The following ARHGAP28 variants were observed in gnomAD, a reference collection of about 807,000 sequenced individuals.
ARHGAP28 encodes rho GTPase-activating protein 28.
Under a neutral mutation model 90.7 loss-of-function variants are expected in ARHGAP28, and 56 were observed. The ratio of observed to expected loss-of-function variants is 0.62; its 90% confidence interval spans 0.50 to 0.77. The LOEUF is 0.77. ARHGAP28 is among the 30% of genes least tolerant of loss of function. The pLI is 0.00. For synonymous variants in ARHGAP28, 308 were observed against 323.3 expected (o/e 0.95, Z 0.51); for missense variants, 869 against 900.9 (o/e 0.96, Z 0.45).
In ARHGAP28 at chr18:6,914,618, A is replaced by G. The variant is rs2143906562; in HGVS notation, c.*2464A>G. On this transcript the variant is annotated 3_prime_UTR_variant, in exon 18 of 18. Coordinates refer to ENST00000383472, the MANE Select transcript of ARHGAP28 (RefSeq NM_001366230.1). ...AAGAGTTGTTTTTTAAAAATTTAAT[A>G]AATTCATAAAAAAGACTCATATCTT... is the stretch of plus-strand genomic sequence containing the variant. 1 of 152,306 alleles carries G rather than the reference A, an allele frequency of 6.6e-6. No individual in the cohort carries two copies. Among genetic ancestry groups the G allele is most frequent in the Non-Finnish European group, 1.5e-5 (1 of 68,012 alleles). The allele number at this position is 152,306 out of a possible 1,614,324, so 9.4% of individuals were successfully genotyped here. A position where few individuals can be genotyped will look rare whatever the true frequency, so the allele number is the denominator to read the frequency against.
intron 4 of ARHGAP28, among the ~76,000 whole-genome samples, chr18:6,855,492 C>G (rs937737822): frequency 6.6e-6 from 1 of 152,198 alleles, no homozygotes; most frequent in Non-Finnish European, 1.5e-5. Flanking sequence ...AAGAGCTGTT[C>G]TGTCACTCAG....
At chr18:6,821,175 G>T (rs1017726569) in intron 1 of ARHGAP28, among the ~76,000 whole-genome samples, 1 of 152,168 alleles carries the variant, frequency 6.6e-6, no homozygotes, top group African/African-American at 2.4e-5. Context: ...CTAATTCCAT[G>T]TGAATAGTAA....
In ARHGAP28 at chr18:6,873,676, C is replaced by T; in HGVS notation, c.1121-8C>T. ...TTTTTTTTCCCCCTTTACTGTCTCA[C>T]AATGAAGACAATGGGATTTTTGGAG... On this transcript the variant is annotated splice_region_variant and splice_polypyrimidine_tract_variant and intron_variant, in intron 8 of 17. Coordinates refer to ENST00000383472, the MANE Select transcript of ARHGAP28 (RefSeq NM_001366230.1). 6.2e-7 allele frequency: 1 copy of T among 1,611,926 alleles called. No individual in the cohort carries two copies. Among genetic ancestry groups the T allele is most frequent in the Non-Finnish European group, 8.5e-7 (1 of 1,178,598 alleles).
chr18:6,876,722 A>G (rs1208628785), intron 10 of ARHGAP28, among the ~76,000 whole-genome samples: 1 of 152,206 alleles, frequency 6.6e-6, no homozygotes, highest in Admixed American at 6.5e-5. Context: ...AGCAATGGCT[A>G]TAACCACTAG....
At chr18:6,845,350 C>T (rs1600240442) in intron 3 of ARHGAP28, among the ~76,000 whole-genome samples, 1 of 152,298 alleles carries the variant, frequency 6.6e-6, no homozygotes, top group African/African-American at 2.4e-5. Flanking sequence ...ACATGAGCCA[C>T]CATGCCCAGA....
intron 11 of ARHGAP28, among the ~76,000 whole-genome samples, chr18:6,884,360 C>A (rs2057203647): frequency 6.6e-6 from 1 of 152,072 alleles, no homozygotes; most frequent in South Asian, 2.1e-4. Context: ...GGCGACAGAG[C>A]AAGACTCTGT....
intron 4 of ARHGAP28, among the ~76,000 whole-genome samples, chr18:6,853,474 A>ATTTT (rs34117123): frequency 6.8e-6 from 1 of 146,330 alleles, no homozygotes; most frequent in East Asian, 2.0e-4. Context: ...TTGCCAATCA[A>ATTTT]TTTTTTTTTT....
At chr18:6,839,723 C>A (rs1489337316) in intron 3 of ARHGAP28, among the ~76,000 whole-genome samples, 1 of 152,084 alleles carries the variant, frequency 6.6e-6, no homozygotes, top group East Asian at 1.9e-4. Context: ...TGTACTAAAT[C>A]TTCGAGATTT....
chr18:6,898,465 C>A, intron 16 of ARHGAP28: 1 of 1,613,248 alleles, frequency 6.2e-7, no homozygotes, highest in Non-Finnish European at 8.5e-7. Context: ...GCTGCACTTT[C>A]CTTCCTAAAT....
chr18:6,753,221 T>A (rs1298806112), intron 1 of ARHGAP28, among the ~76,000 whole-genome samples: 2 of 152,226 alleles, frequency 1.3e-5, no homozygotes, highest in East Asian at 3.8e-4. Context: ...TATTAAATAA[T>A]GTCTGCTTAT....
chr18:6,908,074 G>T (rs1015889145), intron 16 of ARHGAP28, among the ~76,000 whole-genome samples: 1 of 151,904 alleles, frequency 6.6e-6, no homozygotes, highest in Non-Finnish European at 1.5e-5. Flanking sequence ...TAAATTGAGC[G>T]ATAGTTTCCT....
At chr18:6,879,877 G>A (rs2057163914) in intron 10 of ARHGAP28, among the ~76,000 whole-genome samples, 1 of 152,166 alleles carries the variant, frequency 6.6e-6, no homozygotes, top group South Asian at 2.1e-4. Flanking sequence ...CCATAACCTA[G>A]TCAGTTGCTG....
chr18:6,878,009 CATG>C (rs2057145935), intron 10 of ARHGAP28, among the ~76,000 whole-genome samples: 1 of 151,976 alleles, frequency 6.6e-6, no homozygotes, highest in African/African-American at 2.4e-5. Context: ...CCTGTGTACA[CATG>C]CATGCATGGG....
At chr18:6,852,920 G>A (rs72883077) in intron 4 of ARHGAP28, among the ~76,000 whole-genome samples, 2,264 of 152,292 alleles carry the variant, frequency 0.015, 21 homozygotes, top group Non-Finnish European at 0.025. Context: ...TAGTCAGAGG[G>A]TAATGAGGTG....
intron 3 of ARHGAP28, among the ~76,000 whole-genome samples, chr18:6,840,572 T>A (rs562073407): frequency 1.3e-5 from 2 of 152,300 alleles, no homozygotes; most frequent in South Asian, 4.1e-4. Flanking sequence ...TAAACTGGTG[T>A]CTAACTCCTG....
chr18:6,787,219 TAAAAAAAA>T (rs11350947), intron 1 of ARHGAP28, among the ~76,000 whole-genome samples: 1 of 94,642 alleles, frequency 1.1e-5, no homozygotes, highest in Non-Finnish European at 2.1e-5. Flanking sequence ...AAACTCCATT[TAAAAAAAA>T]AAAAAAAAAA....
At chr18:6,844,949 A>C (rs2056855375) in intron 3 of ARHGAP28, among the ~76,000 whole-genome samples, 1 of 152,240 alleles carries the variant, frequency 6.6e-6, no homozygotes, top group African/African-American at 2.4e-5. Context: ...GCCAGAAGTC[A>C]AAGTGTGGGG....
At chr18:6,740,358 A>G (rs1408969108) in intron 1 of ARHGAP28, among the ~76,000 whole-genome samples, 1 of 152,028 alleles carries the variant, frequency 6.6e-6, no homozygotes, top group Non-Finnish European at 1.5e-5. Context: ...GGCTGTGGAA[A>G]CTCAGACTCC....
intron 1 of ARHGAP28, among the ~76,000 whole-genome samples, chr18:6,783,458 G>C (rs557802969): frequency 2.9e-4 from 40 of 140,120 alleles, no homozygotes; most frequent in South Asian, 1.7e-3. Context: ...TGTGCCACCA[G>C]GCCTGGCTAA....
Sources: allele counts gnomAD v4.1 joint callset (sites outside exome capture counted in the v4.1 genomes callset), GRCh38; gene constraint gnomAD v4.1.1; transcripts MANE v1.5; gene names NCBI Gene and HGNC (gene_info 2026-07-23, HGNC 2026-07-21).